ABCD3: variants seen among roughly 807,000 people sequenced by gnomAD.
The protein encoded by ABCD3 is ATP-binding cassette sub-family D member 3.
A neutral mutation model predicts 105.5 loss-of-function variants in ABCD3; 41 were observed. The observed-to-expected ratio is 0.39, with a 90% confidence interval of 0.30 to 0.50. The LOEUF is 0.50. Ranked by LOEUF, ABCD3 falls within the 20% of genes least tolerant of loss-of-function variation. The pLI, the probability that ABCD3 is intolerant of heterozygous loss-of-function variation, is 0.84. For missense variants in ABCD3, 622 were observed against 806.3 expected, an observed-to-expected ratio of 0.77 and a Z score of 2.77; for synonymous variants, 258 against 269.0, an observed-to-expected ratio of 0.96 and a Z score of 0.40.
intron 2 of ABCD3, among the ~76,000 whole-genome samples, chr1:94,461,906 GTTTTCAC>G (rs905955857): frequency 6.6e-6 from 1 of 152,110 alleles, no homozygotes; most frequent in Non-Finnish European, 1.5e-5. Context: ...AGTTGTACCA[GTTTTCAC>G]TTTTCCCTAC....
chr1:94,446,863 G>T (rs941366318), intron 1 of ABCD3, among the ~76,000 whole-genome samples: 2 of 152,182 alleles, frequency 1.3e-5, no homozygotes, highest in African/African-American at 4.8e-5. Context: ...CTATTCAACC[G>T]ATTGTAACTT....
At chr1:94,427,865 G>A (rs996750308) in intron 1 of ABCD3, among the ~76,000 whole-genome samples, 1 of 152,126 alleles carries the variant, frequency 6.6e-6, no homozygotes, top group Non-Finnish European at 1.5e-5. Flanking sequence ...TCAGGCCCTT[G>A]CTTAAAAACA....
In ABCD3 at chr1:94,489,823, ATGAG is replaced by A. The variant is rs755462399; in HGVS notation, c.1249+10_1249+13del. ...GTCTCACAACAGGAAAAGGGTAAAT[ATGAG>A]TGTCACAGTTTAAGGTCACAATTTT... is the stretch of plus-strand genomic sequence containing the variant. On this transcript the variant is annotated splice_region_variant and intron_variant, in intron 14 of 22. Transcript: ENST00000370214. The A allele has an allele frequency of 1.9e-6, 3 of 1,612,702 alleles. No individual in the cohort carries two copies. The highest frequency in any genetic ancestry group is 1.7e-6 in the Non-Finnish European group (2 of 1,178,966).
intron 2 of ABCD3, among the ~76,000 whole-genome samples, chr1:94,459,730 C>T (rs1219946354): frequency 6.6e-6 from 1 of 152,084 alleles, no homozygotes; most frequent in Non-Finnish European, 1.5e-5. Context: ...TTTCATCTCT[C>T]CAAAAAAATC....
At position 94,499,609 on chromosome 1, in the gene ABCD3, A is replaced by G; in HGVS notation, c.1735A>G (p.Met579Val). Residue 579 changes from methionine (M) to valine (V), a missense_variant, in exon 20 of 23, where the codon ATG (methionine) becomes GTG (valine). This residue lies in a region of ABCD3 where 285 missense variants were observed against 352.5 expected (regional missense o/e 0.81). Coordinates refer to ENST00000370214, the MANE Select transcript of ABCD3 (RefSeq NM_002858.4). The part of the protein sequence containing the change: ...DVLSGGEKQR[M>V]AMARLFYHKP... ...ACTCAGTGGTGGAGAAAAGCAAAGA[A>G]TGGCGGTAAGTATACTGTGAAGAAG... The G allele has an allele frequency of 6.2e-7, 1 of 1,613,500 alleles. No homozygotes were observed. The highest frequency in any genetic ancestry group is 1.7e-5 in the Admixed American group (1 of 59,978).
At chr1:94,453,282 G>GT (rs1055542620) in intron 1 of ABCD3, among the ~76,000 whole-genome samples, 33 of 150,036 alleles carry the variant, frequency 2.2e-4, no homozygotes, top group African/African-American at 7.8e-4. Flanking sequence ...TTTTCAGTCT[G>GT]TTTTTTCTTC....
At chr1:94,441,253 CAT>C (rs1210029112) in intron 1 of ABCD3, among the ~76,000 whole-genome samples, 9 of 152,064 alleles carry the variant, frequency 5.9e-5, no homozygotes, top group African/African-American at 1.7e-4. Context: ...GATTCTTAAA[CAT>C]GTGATTAACC....
At chr1:94,453,940 C>CTT (rs201776214) in intron 1 of ABCD3, among the ~76,000 whole-genome samples, 235 of 141,068 alleles carry the variant, frequency 1.7e-3, no homozygotes, top group Non-Finnish European at 2.8e-3. Context: ...TATTATTAAT[C>CTT]TTTTTTTTTT....
chr1:94,406,248 T>A, the ABCD3 span: 8 of 154,874 alleles, frequency 5.2e-5, no homozygotes, highest in Admixed American at 2.0e-4. Context: ...TGCACTTGTC[T>A]CCATTTCTGG....
chr1:94,399,650 C>A, the ABCD3 span, among the ~76,000 whole-genome samples: 6 of 152,204 alleles, frequency 3.9e-5, no homozygotes, highest in Non-Finnish European at 8.8e-5. Flanking sequence ...TGTTCAAGAG[C>A]ATGTGCTCAG....
intron 16 of ABCD3, among the ~76,000 whole-genome samples, chr1:94,496,917 G>A (rs558831497): frequency 3.3e-5 from 5 of 151,512 alleles, no homozygotes; most frequent in East Asian, 1.9e-4. Flanking sequence ...ACAGGTGCCC[G>A]CCACTGCATC....
chr1:94,501,295 A>G (rs1348158169), intron 20 of ABCD3, among the ~76,000 whole-genome samples: 4 of 151,006 alleles, frequency 2.6e-5, no homozygotes, highest in Admixed American at 6.6e-5. Flanking sequence ...CACATGATCC[A>G]TAATAGAGGC....
At chr1:94,388,695 G>C in the ABCD3 span, among the ~76,000 whole-genome samples, 112 of 152,290 alleles carry the variant, frequency 7.4e-4, no homozygotes, top group African/African-American at 2.6e-3. Context: ...AACAAGTGGA[G>C]TAACACAGAC....
chr1:94,510,610 A>G (rs1294113102), intron 21 of ABCD3, among the ~76,000 whole-genome samples: 3 of 152,068 alleles, frequency 2.0e-5, no homozygotes, highest in Non-Finnish European at 2.9e-5. Flanking sequence ...TCCCATTATT[A>G]ATGTGTGGGA....
intron 1 of ABCD3, among the ~76,000 whole-genome samples, chr1:94,457,929 GA>G (rs1415133030): frequency 6.6e-6 from 1 of 152,150 alleles, no homozygotes; most frequent in East Asian, 1.9e-4. Flanking sequence ...TAGTTTAATG[GA>G]AGGGAATATA....
At chr1:94,414,066 A>C (rs189030453), upstream of ABCD3, among the ~76,000 whole-genome samples, 397 of 152,284 alleles carry the variant, frequency 2.6e-3, 4 homozygotes, top group African/African-American at 9.2e-3. Flanking sequence ...GCAGGCATCT[A>C]TCTCCTGGGG....
Position 94,446,703 on chromosome 1 carries a change from C to T in ABCD3, c.111-11904C>T, listed in dbSNP as rs539055384. On this transcript the variant is annotated intron_variant, in intron 1 of 22. Transcript: ENST00000370214. The stretch of plus-strand genomic sequence containing the variant: ...TTTAAGGGTTGGGTAGATACAGGAG[C>T]GGACATTTCAATCATTTCTCTACAG... 9.1e-4 allele frequency among the ~76,000 whole-genome samples: 139 copies of T among 152,220 alleles called. No individual in the cohort carries two copies. The Middle Eastern group carries it at 0.01, about 11-fold the overall frequency.
At chr1:94,507,198 T>A (rs1456955014) in intron 21 of ABCD3, among the ~76,000 whole-genome samples, 1 of 150,774 alleles carries the variant, frequency 6.6e-6, no homozygotes, top group East Asian at 2.0e-4. Flanking sequence ...TGTCCATGTG[T>A]TCTCATTGTT....
At chr1:94,503,341 C>G (rs1181806434) in intron 20 of ABCD3, among the ~76,000 whole-genome samples, 1 of 152,130 alleles carries the variant, frequency 6.6e-6, no homozygotes, top group Admixed American at 6.6e-5. Flanking sequence ...CTCAGATAAC[C>G]ATTCCTCTTA....
Sources: gnomAD v4.1 joint callset for allele counts (sites outside exome capture counted in the v4.1 genomes callset) on GRCh38, gnomAD v4.1.1 for gene constraint, gnomAD v4.1.1 regional missense constraint, MANE v1.5 for transcripts, NCBI Gene and HGNC (gene_info 2026-07-23, HGNC 2026-07-21) for gene names.